Variants in VIT observed in about 807,000 individuals in gnomAD.
VIT encodes vitrin.
In VIT, 99 loss-of-function variants were observed where a neutral mutation model predicts 78.0. The observed-to-expected ratio is 1.27, with a 90% CI of 1.08 to 1.50. VIT has a LOEUF of 1.50. Among genes scored for constraint, VIT ranks in the 40% most tolerant of loss-of-function variants. The probability of loss-of-function intolerance (pLI) is 0.00; values close to 1 mark genes in which losing one functional copy is unlikely to be tolerated. For synonymous variants in VIT, 374 were observed against 334.3 expected (o/e 1.12, Z -1.29); for missense variants, 1,126 against 875.3 (o/e 1.29, Z -3.61).
intron 15 of VIT, among the ~76,000 whole-genome samples, chr2:36,810,196 C>T (rs1667054049): frequency 6.6e-6 from 1 of 151,870 alleles, no homozygotes; most frequent in South Asian, 2.1e-4. Context: ...GAGGCTGAGG[C>T]AGGAGAATTG....
chr2:36,783,277 A>AT (rs1664880655), intron 10 of VIT, 63 bp from the exon 11 acceptor site: 4 of 1,571,338 alleles, frequency 2.5e-6, no homozygotes, highest in Non-Finnish European at 3.5e-6. Context: ...GTCCCCTCCC[A>AT]TGGGGTAAGG....
intron 6 of VIT, among the ~76,000 whole-genome samples, chr2:36,766,083 G>C (rs1669410637): frequency 6.6e-6 from 1 of 152,228 alleles, no homozygotes; most frequent in East Asian, 1.9e-4. Context: ...AATGCCCAGT[G>C]GGTAGCCACT....
At chr2:36,708,159 A>G (rs1007750659) in intron 1 of VIT, among the ~76,000 whole-genome samples, 2 of 143,990 alleles carry the variant, frequency 1.4e-5, no homozygotes, top group Admixed American at 1.4e-4. Flanking sequence ...TCCTCACCAG[A>G]TCAACCCACA....
chr2:36,801,041 T>A (rs190860580), intron 12 of VIT, among the ~76,000 whole-genome samples: 12 of 152,264 alleles, frequency 7.9e-5, no homozygotes, highest in African/African-American at 2.9e-4. Context: ...TTCATCTACA[T>A]GAGGAATCTG....
intron 10 of VIT, among the ~76,000 whole-genome samples, chr2:36,782,831 T>C (rs2148623522): frequency 6.6e-6 from 1 of 152,320 alleles, no homozygotes; most frequent in South Asian, 2.1e-4. Context: ...TTATGTGAGT[T>C]ACTTTTAAAT....
intron 1 of VIT, among the ~76,000 whole-genome samples, chr2:36,709,596 G>T (rs1162786551): frequency 6.6e-6 from 1 of 152,114 alleles, no homozygotes; most frequent in Non-Finnish European, 1.5e-5. Context: ...ATGAATTTTG[G>T]TTTTAGGAAA....
At chr2:36,799,306 A>T (rs1463283716) in intron 12 of VIT, among the ~76,000 whole-genome samples, 1 of 152,196 alleles carries the variant, frequency 6.6e-6, no homozygotes, top group East Asian at 1.9e-4. Context: ...CCCGGTCCGC[A>T]TGGACTCACT....
intron 2 of VIT, among the ~76,000 whole-genome samples, chr2:36,723,765 A>G (rs1243289970): frequency 6.6e-6 from 1 of 152,102 alleles, no homozygotes; most frequent in Non-Finnish European, 1.5e-5. Context: ...CAGCCTGGGT[A>G]ACATAGTGAG....
chr2:36,716,887 T>A (rs965621164), intron 2 of VIT, among the ~76,000 whole-genome samples: 24 of 145,128 alleles, frequency 1.7e-4, no homozygotes, highest in African/African-American at 6.2e-4. Context: ...TTTTTTTTTT[T>A]TTTTTTTGAG....
chr2:36,712,194 G>A (rs1665844315), intron 1 of VIT, among the ~76,000 whole-genome samples: 2 of 152,072 alleles, frequency 1.3e-5, no homozygotes, highest in Non-Finnish European at 2.9e-5. Context: ...CATTTTAAGT[G>A]CTTGAGTAAA....
intron 4 of VIT, among the ~76,000 whole-genome samples, chr2:36,752,101 C>A (rs1668497877): frequency 6.6e-6 from 1 of 152,156 alleles, no homozygotes; most frequent in African/African-American, 2.4e-5. Context: ...TGTTCATATT[C>A]TATATCATGA....
At chr2:36,725,544 T>C (rs1337337670) in intron 2 of VIT, among the ~76,000 whole-genome samples, 1 of 133,126 alleles carries the variant, frequency 7.5e-6, no homozygotes, top group East Asian at 2.3e-4. Context: ...AAGGCTCCAC[T>C]TTCTAATATC....
chr2:36,804,445 G>C (rs1160195540), intron 13 of VIT, among the ~76,000 whole-genome samples: 5 of 152,134 alleles, frequency 3.3e-5, no homozygotes, highest in African/African-American at 1.2e-4. Flanking sequence ...GTCACTCCAG[G>C]TCAACTCCTC....
chr2:36,745,454 T>G (rs753617866), intron 4 of VIT, among the ~76,000 whole-genome samples: 1 of 152,202 alleles, frequency 6.6e-6, no homozygotes, highest in Non-Finnish European at 1.5e-5. Context: ...GCATGGAATA[T>G]TTTTCCATTT....
At chr2:36,805,355 G>A (rs1461219598) in intron 13 of VIT, 83 bp from the exon 14 acceptor site, 2 of 1,335,062 alleles carry the variant, frequency 1.5e-6, no homozygotes, top group African/African-American at 1.5e-5. Flanking sequence ...GTATTTTTCT[G>A]GACCTCTTTG....
chr2:36,722,339 C>A (rs770224693), intron 2 of VIT, among the ~76,000 whole-genome samples: 7 of 152,134 alleles, frequency 4.6e-5, no homozygotes, highest in Non-Finnish European at 8.8e-5. Context: ...GCAGCATTAG[C>A]CAAGGGGTTA....
At position 36,716,234 on chromosome 2, in the gene VIT, G is replaced by C; in HGVS notation, c.-18-119G>C. 5.7e-6 allele frequency: 4 copies of C among 699,874 alleles called. No individual in the cohort carries two copies. In the South Asian group the frequency reaches 6.7e-5, roughly 12 times the overall value. 43.4% of individuals were successfully genotyped at this position (699,874 alleles called of 1,614,324 possible). A position where few individuals can be genotyped will look rare whatever the true frequency, so the allele number is the denominator to read the frequency against. On this transcript the variant is annotated intron_variant, in intron 1 of 15. Coordinates refer to ENST00000379242, the MANE Select transcript of VIT (RefSeq NM_053276.4). The stretch of plus-strand genomic sequence containing the variant: ...TGCTGCTTATGGAAATCTATAGCCT[G>C]GAATCGTAAGACTCCAGAGGGCAAT...
At chr2:36,697,768 TA>T (rs1221872598) in intron 1 of VIT, among the ~76,000 whole-genome samples, 1 of 152,212 alleles carries the variant, frequency 6.6e-6, no homozygotes, top group African/African-American at 2.4e-5. Context: ...TTGCCATTCC[TA>T]AATCAAGAGT....
At chr2:36,746,943 T>C (rs1668171917) in intron 4 of VIT, among the ~76,000 whole-genome samples, 1 of 152,146 alleles carries the variant, frequency 6.6e-6, no homozygotes, top group African/African-American at 2.4e-5. Context: ...CATTTTGTAC[T>C]ATAAAATTTC....
Sources: gnomAD v4.1 joint callset for allele counts (sites outside exome capture counted in the v4.1 genomes callset) on GRCh38, gnomAD v4.1.1 for gene constraint, MANE v1.5 for transcripts, NCBI Gene and HGNC (gene_info 2026-07-23, HGNC 2026-07-21) for gene names.